The following SAMD3 variants were observed in gnomAD, a reference collection of about 807,000 sequenced individuals.
SAMD3 encodes the protein sterile alpha motif domain-containing protein 3.
In SAMD3, 63 loss-of-function variants were observed where a neutral mutation model predicts 58.5. The ratio of observed to expected loss-of-function variants is 1.08; its 90% CI spans 0.88 to 1.33. The LOEUF (loss-of-function observed/expected upper bound fraction) is 1.33. Among genes scored for constraint, SAMD3 ranks in the 40% most tolerant of loss-of-function variants. The pLI, the probability that SAMD3 is intolerant of heterozygous loss-of-function variation, is 0.00. For missense variants in SAMD3, 604 were observed against 608.4 expected (o/e 0.99, Z 0.08); for synonymous variants, 220 against 210.3 (o/e 1.05, Z -0.40).
chr6:130,247,365 G>C (rs1013650228), intron 2 of SAMD3, among the ~76,000 whole-genome samples: 8 of 151,910 alleles, frequency 5.3e-5, no homozygotes, highest in African/African-American at 1.9e-4. Context: ...TACATGGGAG[G>C]CTGAGACAGG....
chr6:130,277,990 G>A (rs1330180774), intron 2 of SAMD3, among the ~76,000 whole-genome samples: 1 of 152,144 alleles, frequency 6.6e-6, no homozygotes, highest in African/African-American at 2.4e-5. Flanking sequence ...GTAGCCACAA[G>A]ATTAGAAATT....
intron 2 of SAMD3, among the ~76,000 whole-genome samples, chr6:130,271,925 T>C (rs987255153): frequency 7.9e-5 from 12 of 152,102 alleles, no homozygotes; most frequent in African/African-American, 2.9e-4. Flanking sequence ...GAAAGACCCG[T>C]CCCCATGATT....
chr6:130,192,503 C>T (rs1041389669), intron 5 of SAMD3, among the ~76,000 whole-genome samples: 2 of 152,108 alleles, frequency 1.3e-5, no homozygotes, highest in African/African-American at 4.8e-5. Flanking sequence ...AAAAGCTCCC[C>T]CACTGAGTAC....
chr6:130,250,271 T>G (rs1773696092), intron 2 of SAMD3, among the ~76,000 whole-genome samples: 1 of 152,140 alleles, frequency 6.6e-6, no homozygotes, highest in South Asian at 2.1e-4. Context: ...CTTCCAAAGC[T>G]TTCCCCCTCC....
upstream of SAMD3, among the ~76,000 whole-genome samples, chr6:130,226,716 T>C (rs1429837696): frequency 6.6e-6 from 1 of 152,098 alleles, no homozygotes; most frequent in African/African-American, 2.4e-5. Flanking sequence ...CTACTGTCAG[T>C]GTAGCTTTTC....
intron 2 of SAMD3, among the ~76,000 whole-genome samples, chr6:130,297,278 TA>T (rs1775602790): frequency 1.3e-5 from 2 of 152,128 alleles, no homozygotes; most frequent in Admixed American, 6.5e-5. Flanking sequence ...AATGAACCCA[TA>T]TAGAGTCTTG....
chr6:130,210,614 G>A (rs906898805), intron 4 of SAMD3, among the ~76,000 whole-genome samples: 2 of 150,670 alleles, frequency 1.3e-5, no homozygotes, highest in African/African-American at 4.9e-5. Flanking sequence ...AAAAAAAAAG[G>A]TCAGGTATAA....
At chr6:130,162,546 T>C (rs1790369785) in intron 8 of SAMD3, among the ~76,000 whole-genome samples, 1 of 152,210 alleles carries the variant, frequency 6.6e-6, no homozygotes, top group Non-Finnish European at 1.5e-5. Flanking sequence ...CTTGCCATGT[T>C]GCCCAAGCTT....
At chr6:130,297,054 G>A (rs1775595508) in intron 2 of SAMD3, among the ~76,000 whole-genome samples, 1 of 152,180 alleles carries the variant, frequency 6.6e-6, no homozygotes, top group African/African-American at 2.4e-5. Context: ...TTACACTTAA[G>A]CACCATCTAT....
chr6:130,210,616 C>T (rs1235431343), intron 4 of SAMD3, among the ~76,000 whole-genome samples: 1 of 150,662 alleles, frequency 6.6e-6, no homozygotes, highest in Non-Finnish European at 1.5e-5. Flanking sequence ...AAAAAAAGGT[C>T]AGGTATAAAC....
intron 1 of SAMD3, among the ~76,000 whole-genome samples, chr6:130,219,895 G>T (rs1796147076): frequency 6.6e-6 from 1 of 152,150 alleles, no homozygotes; most frequent in Non-Finnish European, 1.5e-5. Context: ...TTTTTATCTA[G>T]CAAGACTTAT....
intron 1 of SAMD3, among the ~76,000 whole-genome samples, chr6:130,326,512 T>A (rs544188689): frequency 6.6e-6 from 1 of 152,322 alleles, no homozygotes; most frequent in South Asian, 2.1e-4. Context: ...TTTCTCTAAC[T>A]GAATTCTTGT....
chr6:130,358,903 T>C (rs1039002738), intron 1 of SAMD3, among the ~76,000 whole-genome samples: 1 of 152,196 alleles, frequency 6.6e-6, no homozygotes, highest in African/African-American at 2.4e-5. Context: ...GAACATGTTG[T>C]AATTTAAGTA....
chr6:130,149,996 G>A (rs906158300), intron 9 of SAMD3, among the ~76,000 whole-genome samples: 29 of 152,012 alleles, frequency 1.9e-4, no homozygotes, highest in Non-Finnish European at 4.3e-4. Flanking sequence ...CAGATTCACA[G>A]CTCCTTTCTT....
At chr6:130,302,704 A>G (rs1201027240) in intron 2 of SAMD3, among the ~76,000 whole-genome samples, 1 of 152,222 alleles carries the variant, frequency 6.6e-6, no homozygotes, top group Non-Finnish European at 1.5e-5. Context: ...TGGGTTCGAC[A>G]AGGAAAATGT....
intron 2 of SAMD3, among the ~76,000 whole-genome samples, chr6:130,276,863 T>C (rs150028304): frequency 6.6e-4 from 100 of 152,102 alleles, no homozygotes; most frequent in African/African-American, 2.4e-3. Context: ...TGCTGATTGG[T>C]TGGAGATGAA....
chr6:130,263,419 G>A (rs978714039), intron 2 of SAMD3, among the ~76,000 whole-genome samples: 2 of 151,996 alleles, frequency 1.3e-5, no homozygotes, highest in Admixed American at 6.6e-5. Flanking sequence ...AGAAAAACTC[G>A]AGCCAGCCTC....
chr6:130,153,666 T>TATATATATATATATATA (rs58896049), intron 9 of SAMD3, among the ~76,000 whole-genome samples: 4,189 of 89,458 alleles, frequency 0.047, 164 homozygotes, highest in Non-Finnish European at 0.06. Flanking sequence ...ATATATATAT[T>TATATATATATATATATA]TATTTATTTA....
At chr6:130,301,970 T>G (rs1303345237) in intron 2 of SAMD3, among the ~76,000 whole-genome samples, 2 of 152,000 alleles carry the variant, frequency 1.3e-5, no homozygotes, top group African/African-American at 2.4e-5. Context: ...ATACTTAAAT[T>G]TATGACCTCA....
Sources: gnomAD v4.1 joint callset for allele counts (sites outside exome capture counted in the v4.1 genomes callset) on GRCh38, gnomAD v4.1.1 for gene constraint, MANE v1.5 for transcripts, NCBI Gene and HGNC (gene_info 2026-07-23, HGNC 2026-07-21) for gene names.